SMG6: variants seen among roughly 807,000 people sequenced by gnomAD.
The protein encoded by SMG6 is SMG6 nonsense mediated mRNA decay factor.
Under a neutral mutation model 142.2 loss-of-function variants are expected in SMG6, and 66 were observed. That is an observed-to-expected ratio of 0.46 (90% confidence interval 0.38 to 0.57). The LOEUF (loss-of-function observed/expected upper bound fraction) is 0.57, where lower values mean the gene tolerates loss of function less well. SMG6 is among the 20% of genes least tolerant of loss of function. The pLI, the probability that SMG6 is intolerant of heterozygous loss-of-function variation, is 0.00. For synonymous variants in SMG6, 779 were observed against 702.4 expected (o/e 1.11, Z -1.72); for missense variants, 1,793 against 1,832.0 (o/e 0.98, Z 0.39).
intron 13 of SMG6, among the ~76,000 whole-genome samples, chr17:2,165,463 C>A (rs1364012565): frequency 6.6e-6 from 1 of 152,232 alleles, no homozygotes; most frequent in African/African-American, 2.4e-5. Context: ...TCCAAAATGC[C>A]TGGGACCAGA....
intron 10 of SMG6, among the ~76,000 whole-genome samples, chr17:2,225,987 G>A (rs899787352): frequency 1.3e-5 from 2 of 152,164 alleles, no homozygotes; most frequent in African/African-American, 4.8e-5. Context: ...CTCTTAAGAC[G>A]TAATAATAAA....
rs764226957 is a variant in SMG6 at position 2,300,209 on chromosome 17, A to G, written c.544T>C (p.Cys182Arg). Residue 182 changes from cysteine (C) to arginine (R), a missense_variant, in exon 2 of 19, where the codon TGT becomes CGT. Physicochemically the swap from Cys to Arg is radical, Grantham distance 180 (BLOSUM62 -3). Coordinates refer to ENST00000263073, the MANE Select transcript of SMG6 (RefSeq NM_017575.5). ...VEQLRVEEDECRGNVAKEEVA... is the reference protein window; with the variant it reads ...VEQLRVEEDERRGNVAKEEVA... ...TCCTCCTTCGCAACATTTCCCCTAC[A>G]CTCATCTTCCTCTACTCTCAGTTGT... is the stretch of plus-strand genomic sequence containing the variant. 1 of 1,612,560 alleles carries G rather than the reference A, an allele frequency of 6.2e-7. No homozygotes were observed. Among genetic ancestry groups the G allele is most frequent in the Non-Finnish European group, 8.5e-7 (1 of 1,179,642 alleles).
intron 10 of SMG6, among the ~76,000 whole-genome samples, chr17:2,228,250 A>G (rs2073372609): frequency 6.6e-6 from 1 of 151,300 alleles, no homozygotes; most frequent in Admixed American, 6.6e-5. Context: ...TTTGAGACGG[A>G]GCCTCACTCT....
intron 10 of SMG6, among the ~76,000 whole-genome samples, chr17:2,215,020 C>A (rs999361868): frequency 1.3e-5 from 2 of 152,198 alleles, no homozygotes; most frequent in Admixed American, 6.5e-5. Flanking sequence ...CACAACTCCA[C>A]GGGGCCCTGG....
At chr17:2,100,476 G>C (rs1373141540) in intron 13 of SMG6, among the ~76,000 whole-genome samples, 2 of 151,808 alleles carry the variant, frequency 1.3e-5, no homozygotes, top group Non-Finnish European at 2.9e-5. Context: ...GCCCGACTTT[G>C]TTTGTTTTCT....
chr17:2,194,811 G>A (rs1364916577), intron 10 of SMG6, among the ~76,000 whole-genome samples: 6 of 152,124 alleles, frequency 3.9e-5, no homozygotes, highest in African/African-American at 1.4e-4. Flanking sequence ...AGACTCTCAC[G>A]TGTATTCTCG....
chr17:2,136,024 G>GTGTGTC (rs1555542547), intron 13 of SMG6, among the ~76,000 whole-genome samples: 6 of 148,874 alleles, frequency 4.0e-5, no homozygotes, highest in African/African-American at 1.5e-4. Context: ...GTGTGTGTGT[G>GTGTGTC]TGTGTGTGTG....
At chr17:2,183,657 C>G (rs1450441100) in intron 12 of SMG6, among the ~76,000 whole-genome samples, 1 of 151,934 alleles carries the variant, frequency 6.6e-6, no homozygotes, top group Non-Finnish European at 1.5e-5. Flanking sequence ...AAATAGTACT[C>G]GTTTGATTTT....
chr17:2,212,058 T>C (rs2072881461), intron 10 of SMG6, among the ~76,000 whole-genome samples: 1 of 152,212 alleles, frequency 6.6e-6, no homozygotes, highest in South Asian at 2.1e-4. Flanking sequence ...TAGCTGAATA[T>C]TTTTTCATAA....
chr17:2,283,257 A>T (rs959663868), intron 7 of SMG6, among the ~76,000 whole-genome samples: 1 of 152,192 alleles, frequency 6.6e-6, no homozygotes, highest in Non-Finnish European at 1.5e-5. Flanking sequence ...TTTATTTGAC[A>T]ATAAAAATAC....
chr17:2,303,675 G>A lies in SMG6; in HGVS notation c.46C>T (p.Arg16Cys). Residue 16 changes from arginine to cysteine, a missense_variant, in exon 1 of 19, where the codon CGC (arginine) becomes TGC (cysteine). Physicochemically the swap from Arg to Cys is radical, Grantham distance 180. Transcript: ENST00000263073. Reference sequence around the variant, plus strand: ...GGGGCCAGAGTAGCCAGGATCCCGCGCAGCTCCGACGCGGAGATCCGCACA... The same window carrying A: ...GGGGCCAGAGTAGCCAGGATCCCGCACAGCTCCGACGCGGAGATCCGCACA... Reference protein sequence around the residue: ...ERVRISASELRGILATLAPQA... With the variant: ...ERVRISASELCGILATLAPQA... The A allele has an allele frequency of 1.3e-6, 2 of 1,495,588 alleles. No homozygotes were observed. The highest frequency in any genetic ancestry group is 1.8e-6 in the Non-Finnish European group (2 of 1,129,054). 92.6% of individuals were successfully genotyped at this position (1,495,588 alleles called of 1,614,324 possible).
chr17:2,215,227 G>A lies in SMG6; in HGVS notation c.2869+21265C>T, dbSNP rs574501509. On this transcript the variant is annotated intron_variant, in intron 10 of 18. Transcript: ENST00000263073. ...GTACATTATAAACACACACACACGCGCGCGCACACACACACACAGACCTAT... is the reference window on the plus strand; with the variant it reads ...GTACATTATAAACACACACACACGCACGCGCACACACACACACAGACCTAT... Among the ~76,000 whole-genome samples, 8 of 151,948 alleles carry A rather than the reference G, an allele frequency of 5.3e-5. No homozygotes were observed. In the East Asian group the frequency reaches 1.2e-3, roughly 22 times the overall value.
Position 2,112,524 on chromosome 17 carries a change from AAAATAAATAAATAAATAAAT to A in SMG6, c.3358-26643_3358-26624del, listed in dbSNP as rs141512888. On this transcript the variant is annotated intron_variant, in intron 13 of 18. Transcript: ENST00000263073. ...CTCTGTCTCAAAAAAAATAAAATAA[AAAATAAATAAATAAATAAAT>A]AAATAAATAAATAAATAAATAAATA... Among the ~76,000 whole-genome samples, 18 of 139,714 alleles carry A rather than the reference AAAATAAATAAATAAATAAAT, an allele frequency of 1.3e-4. No individual in the cohort carries two copies. In the South Asian group the frequency reaches 1.3e-3, roughly 10 times the overall value. 91.7% of individuals were successfully genotyped at this position (139,714 alleles called of 152,430 possible).
At chr17:2,251,198 A>C (rs922442812) in intron 8 of SMG6, among the ~76,000 whole-genome samples, 1 of 152,038 alleles carries the variant, frequency 6.6e-6, no homozygotes, top group African/African-American at 2.4e-5. Context: ...GTAATGCAAT[A>C]ATCATTCAGT....
At chr17:2,079,014 G>A (rs1254565630) in intron 15 of SMG6, among the ~76,000 whole-genome samples, 3 of 151,930 alleles carry the variant, frequency 2.0e-5, no homozygotes, top group African/African-American at 7.3e-5. Flanking sequence ...CCCAGGCTGG[G>A]GTGCAGTGGC....
chr17:2,217,633 C>T (rs2073054168), intron 10 of SMG6, among the ~76,000 whole-genome samples: 1 of 152,148 alleles, frequency 6.6e-6, no homozygotes, highest in Non-Finnish European at 1.5e-5. Context: ...CATCCTCCTG[C>T]ACATCACCTA....
At chr17:2,117,935 T>G (rs1225184620) in intron 13 of SMG6, among the ~76,000 whole-genome samples, 1 of 152,194 alleles carries the variant, frequency 6.6e-6, no homozygotes, top group Non-Finnish European at 1.5e-5. Flanking sequence ...GTTCTTATAT[T>G]ACACCATATA....
chr17:2,112,582 C>A (rs1327134384), intron 13 of SMG6, among the ~76,000 whole-genome samples: 1 of 149,348 alleles, frequency 6.7e-6, no homozygotes, highest in Non-Finnish European at 1.5e-5. Context: ...AGGCAATGGT[C>A]TGTTCCAAGT....
rs533650293 is a variant in SMG6 at position 2,168,904 on chromosome 17, C to T, written c.3357+3754G>A. ...GCTGGGATTACACGGCCCGCCACCACACCTGGCTACTTTTTCTATTTTTAG... is the reference window on the plus strand; with the variant it reads ...GCTGGGATTACACGGCCCGCCACCATACCTGGCTACTTTTTCTATTTTTAG... On this transcript the variant is annotated intron_variant, in intron 13 of 18. Coordinates refer to ENST00000263073, the MANE Select transcript of SMG6 (RefSeq NM_017575.5). Among the ~76,000 whole-genome samples, 10 of 151,838 alleles carry T rather than the reference C, an allele frequency of 6.6e-5. No homozygotes were observed. The South Asian group carries it at 2.1e-3, about 32-fold the overall frequency.
Sources: allele counts gnomAD v4.1 joint callset (sites outside exome capture counted in the v4.1 genomes callset), GRCh38; gene constraint gnomAD v4.1.1; transcripts MANE v1.5; gene names NCBI Gene and HGNC (gene_info 2026-07-23, HGNC 2026-07-21).